The following PXDNL variants were observed in gnomAD, a reference collection of about 807,000 sequenced individuals.
The protein encoded by PXDNL is peroxidasin like.
A neutral mutation model predicts 150.8 loss-of-function variants in PXDNL; 145 were observed. The ratio of observed to expected loss-of-function variants is 0.96; its 90% CI spans 0.84 to 1.10. The LOEUF (loss-of-function observed/expected upper bound fraction) is 1.10, where lower values mean the gene tolerates loss of function less well. Among genes scored for constraint, PXDNL ranks in the 50% least tolerant of loss-of-function variants. The probability of loss-of-function intolerance (pLI) is 0.00; values close to 1 mark genes in which losing one functional copy is unlikely to be tolerated. For missense variants in PXDNL, 2,087 were observed against 1,873.9 expected (o/e 1.11, Z -2.10); for synonymous variants, 757 against 725.7 (o/e 1.04, Z -0.69).
chr8:51,492,415 G>T (rs1222152664), intron 5 of PXDNL, among the ~76,000 whole-genome samples: 1 of 152,078 alleles, frequency 6.6e-6, no homozygotes, highest in Non-Finnish European at 1.5e-5. Context: ...CATCTCACTG[G>T]AGAGTGTCAG....
At chr8:51,739,545 A>G (rs559449179) in intron 1 of PXDNL, among the ~76,000 whole-genome samples, 3 of 152,326 alleles carry the variant, frequency 2.0e-5, no homozygotes, top group African/African-American at 4.8e-5. Context: ...AATCTCCTAG[A>G]AATAACAGGT....
At chr8:51,360,985 G>C (rs1226232394) in intron 19 of PXDNL, among the ~76,000 whole-genome samples, 2 of 152,182 alleles carry the variant, frequency 1.3e-5, no homozygotes, top group African/African-American at 2.4e-5. Context: ...TCTTTTAACA[G>C]ATGGTGTCAG....
chr8:51,807,165 G>A (rs940694198), intron 1 of PXDNL, among the ~76,000 whole-genome samples: 1 of 152,144 alleles, frequency 6.6e-6, no homozygotes, highest in Non-Finnish European at 1.5e-5. Context: ...AAGAAAAGAG[G>A]TTTAATTGGT....
intron 4 of PXDNL, among the ~76,000 whole-genome samples, chr8:51,555,505 G>A (rs1812580780): frequency 6.6e-6 from 1 of 152,132 alleles, no homozygotes; most frequent in African/African-American, 2.4e-5. Context: ...TTGGTTGACT[G>A]TGTTTTAATA....
intron 5 of PXDNL, among the ~76,000 whole-genome samples, chr8:51,492,307 C>T (rs1040953511): frequency 9.2e-5 from 14 of 152,050 alleles, no homozygotes; most frequent in Non-Finnish European, 1.5e-4. Context: ...TGGGGTGGAG[C>T]CAAGATGGCC....
intron 19 of PXDNL, among the ~76,000 whole-genome samples, chr8:51,348,597 C>T (rs1207181094): frequency 6.6e-6 from 1 of 152,090 alleles, no homozygotes; most frequent in Non-Finnish European, 1.5e-5. Flanking sequence ...ATAGTAGATG[C>T]TTTGATTTTA....
chr8:51,778,549 C>T (rs184734655), intron 1 of PXDNL, among the ~76,000 whole-genome samples: 7 of 152,218 alleles, frequency 4.6e-5, no homozygotes, highest in Non-Finnish European at 1.0e-4. Flanking sequence ...ATGTGATGCT[C>T]ATTATTTATT....
intron 17 of PXDNL, among the ~76,000 whole-genome samples, chr8:51,403,865 G>T (rs541442428): frequency 6.6e-6 from 1 of 152,162 alleles, no homozygotes; most frequent in Non-Finnish European, 1.5e-5. Flanking sequence ...ATGAACTTGC[G>T]GACCCTCACG....
intron 4 of PXDNL, among the ~76,000 whole-genome samples, chr8:51,511,908 C>A (rs1460857716): frequency 6.6e-6 from 1 of 152,178 alleles, no homozygotes; most frequent in African/African-American, 2.4e-5. Flanking sequence ...TTCTTGTCAG[C>A]CCTGAACCTG....
chr8:51,691,487 C>T (rs1053389548), intron 1 of PXDNL, among the ~76,000 whole-genome samples: 27 of 151,108 alleles, frequency 1.8e-4, no homozygotes, highest in Non-Finnish European at 2.8e-4. Context: ...TGTAGACATG[C>T]GGCGTTATAC....
chr8:51,525,550 GA>G (rs1165232726), intron 4 of PXDNL, among the ~76,000 whole-genome samples: 1 of 152,182 alleles, frequency 6.6e-6, no homozygotes, highest in African/African-American at 2.4e-5. Flanking sequence ...CATGGAGACA[GA>G]AGGAAAATCA....
At chr8:51,417,166 CAG>C (rs1383142761) in intron 14 of PXDNL, among the ~76,000 whole-genome samples, 1 of 152,086 alleles carries the variant, frequency 6.6e-6, no homozygotes, top group Non-Finnish European at 1.5e-5. Context: ...ATAGAACAAT[CAG>C]AAAATTCTGA....
intron 4 of PXDNL, among the ~76,000 whole-genome samples, chr8:51,543,055 GT>G (rs1563457640): frequency 1.3e-5 from 2 of 152,214 alleles, no homozygotes; most frequent in South Asian, 4.1e-4. Context: ...CTTACCAAAT[GT>G]TTCATACATT....
intron 4 of PXDNL, among the ~76,000 whole-genome samples, chr8:51,506,728 C>T (rs1811302604): frequency 6.6e-6 from 1 of 152,056 alleles, no homozygotes; most frequent in Non-Finnish European, 1.5e-5. Flanking sequence ...TTCCAATCTA[C>T]ACTATGTTGA....
intron 1 of PXDNL, among the ~76,000 whole-genome samples, chr8:51,771,477 G>T (rs2037292406): frequency 6.6e-6 from 1 of 152,176 alleles, no homozygotes. Context: ...AGTGCCCTTT[G>T]GTGTGTCACG....
At chr8:51,564,846 T>C (rs1438757324) in intron 3 of PXDNL, among the ~76,000 whole-genome samples, 1 of 152,040 alleles carries the variant, frequency 6.6e-6, no homozygotes, top group African/African-American at 2.4e-5. Context: ...TTGAATCTTA[T>C]AAACCTTGTT....
At chr8:51,534,272 G>A (rs1251363499) in intron 4 of PXDNL, among the ~76,000 whole-genome samples, 1 of 141,396 alleles carries the variant, frequency 7.1e-6, no homozygotes, top group East Asian at 2.2e-4. Flanking sequence ...GAGAAGTGAG[G>A]AGCCCCTCCG....
At chr8:51,747,798 G>A (rs779942386) in intron 1 of PXDNL, among the ~76,000 whole-genome samples, 2 of 152,104 alleles carry the variant, frequency 1.3e-5, no homozygotes, top group Non-Finnish European at 2.9e-5. Flanking sequence ...AATTCAACCT[G>A]GTCATTGAAG....
chr8:51,763,913 G>C (rs1404115987), intron 1 of PXDNL, among the ~76,000 whole-genome samples: 1 of 152,172 alleles, frequency 6.6e-6, no homozygotes, highest in Non-Finnish European at 1.5e-5. Context: ...ATGTATGGTA[G>C]AATTCTTCAG....
Sources: allele counts gnomAD v4.1 joint callset (sites outside exome capture counted in the v4.1 genomes callset), GRCh38; gene constraint gnomAD v4.1.1; transcripts MANE v1.5; gene names NCBI Gene and HGNC (gene_info 2026-07-23, HGNC 2026-07-21).